The following DPF3 variants were observed in gnomAD, a reference collection of about 807,000 sequenced individuals.
The protein encoded by DPF3 is double PHD fingers 3.
DPF3 carries 18 observed loss-of-function variants against 56.8 expected under a neutral mutation model. The ratio of observed to expected loss-of-function variants is 0.32; its 90% confidence interval spans 0.22 to 0.47. The LOEUF (loss-of-function observed/expected upper bound fraction) is 0.47, where lower values mean the gene tolerates loss of function less well. Among genes scored for constraint, DPF3 ranks in the 20% least tolerant of loss-of-function variants. The pLI is 1.00. For synonymous variants in DPF3, 188 were observed against 180.2 expected (o/e 1.04, Z -0.35); for missense variants, 403 against 488.8 (o/e 0.82, Z 1.65).
chr14:72,622,915 C>G (rs1884548831), intron 9 of DPF3, among the ~76,000 whole-genome samples: 1 of 152,210 alleles, frequency 6.6e-6, no homozygotes, highest in African/African-American at 2.4e-5. Flanking sequence ...TTTACACTAT[C>G]TGTAAAGCCA....
At chr14:72,737,896 C>T (rs1889960643) in intron 3 of DPF3, among the ~76,000 whole-genome samples, 1 of 151,226 alleles carries the variant, frequency 6.6e-6, no homozygotes, top group Non-Finnish European at 1.5e-5. Context: ...CATGAGTGCT[C>T]AATTTTTTTT....
At chr14:72,837,107 G>A (rs1884328964) in intron 1 of DPF3, among the ~76,000 whole-genome samples, 2 of 151,954 alleles carry the variant, frequency 1.3e-5, no homozygotes, top group African/African-American at 4.8e-5. Context: ...CTGACCTCAA[G>A]TGATCCACCC....
At chr14:72,692,392 T>C (rs1043257847) in intron 7 of DPF3, among the ~76,000 whole-genome samples, 1 of 152,148 alleles carries the variant, frequency 6.6e-6, no homozygotes, top group Non-Finnish European at 1.5e-5. Flanking sequence ...AAATGGAAAA[T>C]GCTAAGCCCC....
chr14:72,890,141 G>C (rs1886694644), intron 1 of DPF3, among the ~76,000 whole-genome samples: 1 of 152,156 alleles, frequency 6.6e-6, no homozygotes, highest in South Asian at 2.1e-4. Flanking sequence ...ACTGATTGCA[G>C]ATTTGGGGGA....
At chr14:72,790,078 C>T (rs908549534) in intron 1 of DPF3, among the ~76,000 whole-genome samples, 1 of 151,914 alleles carries the variant, frequency 6.6e-6, no homozygotes, top group African/African-American at 2.4e-5. Context: ...ATAGTGAGAC[C>T]TCTTCCCTAC....
intron 1 of DPF3, among the ~76,000 whole-genome samples, chr14:72,882,787 C>T (rs1429408891): frequency 3.9e-5 from 6 of 152,250 alleles, no homozygotes; most frequent in East Asian, 3.9e-4. Context: ...TCACCAGCAC[C>T]GCGTTGCCGC....
At chr14:72,835,804 G>A (rs529340766) in intron 1 of DPF3, among the ~76,000 whole-genome samples, 4 of 152,230 alleles carry the variant, frequency 2.6e-5, no homozygotes, top group Non-Finnish European at 2.9e-5. Context: ...GACTTGACCC[G>A]CAGCGAGGCA....
intron 7 of DPF3, among the ~76,000 whole-genome samples, chr14:72,675,969 A>C (rs954698790): frequency 6.6e-6 from 1 of 152,126 alleles, no homozygotes; most frequent in African/African-American, 2.4e-5. Flanking sequence ...TCTGCCTATA[A>C]ATTTTCATTG....
intron 2 of DPF3, among the ~76,000 whole-genome samples, chr14:72,770,960 T>C (rs1891499645): frequency 7.5e-6 from 1 of 134,200 alleles, no homozygotes; most frequent in Non-Finnish European, 1.6e-5. Flanking sequence ...AGGCAGATCA[T>C]GAGATCAGGA....
intron 3 of DPF3, among the ~76,000 whole-genome samples, chr14:72,739,770 C>T (rs1206848559): frequency 6.6e-6 from 1 of 152,184 alleles, no homozygotes; most frequent in Non-Finnish European, 1.5e-5. Context: ...AGATACCCTG[C>T]TTTATCCCTT....
At chr14:72,748,890 CT>C (rs1890437196) in intron 3 of DPF3, among the ~76,000 whole-genome samples, 1 of 152,244 alleles carries the variant, frequency 6.6e-6, no homozygotes, top group African/African-American at 2.4e-5. Flanking sequence ...ATGGAAATGC[CT>C]GGATACCCAG....
chr14:72,813,549 T>TC (rs942122898), intron 1 of DPF3, among the ~76,000 whole-genome samples: 62 of 151,946 alleles, frequency 4.1e-4, no homozygotes, highest in African/African-American at 1.4e-3. Context: ...CATCCTGGCC[T>TC]CCCCCCCGGC....
intron 9 of DPF3, among the ~76,000 whole-genome samples, chr14:72,625,780 A>C (rs1324429225): frequency 6.6e-6 from 1 of 152,212 alleles, no homozygotes; most frequent in Non-Finnish European, 1.5e-5. Flanking sequence ...ATGAATTCAT[A>C]GTGATACCCA....
intron 1 of DPF3, among the ~76,000 whole-genome samples, chr14:72,807,200 C>T (rs746475251): frequency 3.3e-5 from 5 of 152,170 alleles, no homozygotes; most frequent in Admixed American, 1.3e-4. Flanking sequence ...AAGCTTGTGT[C>T]GCTTAGTAAT....
chr14:72,883,052 G>A (rs1375043123), intron 1 of DPF3, among the ~76,000 whole-genome samples: 1 of 152,222 alleles, frequency 6.6e-6, no homozygotes, highest in Non-Finnish European at 1.5e-5. Context: ...CTCCAAAGAG[G>A]ATGAGAGAGT....
At chr14:72,859,515 G>A (rs1274888546) in intron 1 of DPF3, among the ~76,000 whole-genome samples, 9 of 120,122 alleles carry the variant, frequency 7.5e-5, no homozygotes, top group African/African-American at 2.6e-4. Flanking sequence ...CTGGAATCAC[G>A]TGTTGTATCT....
At chr14:72,781,481 ACC>A (rs1891967988) in intron 1 of DPF3, among the ~76,000 whole-genome samples, 1 of 152,186 alleles carries the variant, frequency 6.6e-6, no homozygotes, top group Non-Finnish European at 1.5e-5. Flanking sequence ...GGCCCAGTAG[ACC>A]CAATAAATCC....
intron 6 of DPF3, among the ~76,000 whole-genome samples, chr14:72,696,310 T>C (rs1158613321): frequency 1.3e-5 from 2 of 152,246 alleles, no homozygotes; most frequent in African/African-American, 2.4e-5. Flanking sequence ...TTTGTCTATC[T>C]AGAGAAGTGT....
At chr14:72,697,316 T>A (rs191277895) in intron 6 of DPF3, among the ~76,000 whole-genome samples, 4 of 152,204 alleles carry the variant, frequency 2.6e-5, no homozygotes, top group East Asian at 3.9e-4. Flanking sequence ...CTAGCAGAGA[T>A]CTGCATGTAA....
Sources: gnomAD v4.1 joint callset for allele counts (sites outside exome capture counted in the v4.1 genomes callset) on GRCh38, gnomAD v4.1.1 for gene constraint, MANE v1.5 for transcripts, NCBI Gene and HGNC (gene_info 2026-07-23, HGNC 2026-07-21) for gene names.